The following ADK variants were observed in gnomAD, a reference collection of about 807,000 sequenced individuals.
ADK encodes the protein N6,N6-dimethyladenosine kinase.
A neutral mutation model predicts 44.7 loss-of-function variants in ADK; 24 were observed. That is an observed-to-expected ratio of 0.54 (90% CI 0.39 to 0.76). The LOEUF is 0.76. ADK is among the 30% of genes least tolerant of loss of function. The probability of loss-of-function intolerance (pLI) is 0.00; values close to 1 mark genes in which losing one functional copy is unlikely to be tolerated. For synonymous variants in ADK, 128 were observed against 142.6 expected (o/e 0.90, Z 0.73); for missense variants, 321 against 425.1 (o/e 0.76, Z 2.15).
intron 6 of ADK, among the ~76,000 whole-genome samples, chr10:74,408,452 G>A (rs1455829804): frequency 6.6e-6 from 1 of 152,080 alleles, no homozygotes; most frequent in Non-Finnish European, 1.5e-5. Context: ...TGGAGTGTCA[G>A]AAAATGATCA....
At chr10:74,575,647 A>G (rs919438915) in intron 7 of ADK, among the ~76,000 whole-genome samples, 2 of 152,184 alleles carry the variant, frequency 1.3e-5, no homozygotes, top group African/African-American at 2.4e-5. Flanking sequence ...TATATAAGGG[A>G]ATAGTAAAAG....
At chr10:74,415,897 G>A (rs934658462) in intron 6 of ADK, among the ~76,000 whole-genome samples, 2 of 151,896 alleles carry the variant, frequency 1.3e-5, no homozygotes, top group Non-Finnish European at 2.9e-5. Flanking sequence ...TGTAATGGAA[G>A]ACATAATAAG....
chr10:74,183,432 G>T (rs892127604), intron 1 of ADK, among the ~76,000 whole-genome samples: 3 of 152,138 alleles, frequency 2.0e-5, no homozygotes, highest in African/African-American at 4.8e-5. Context: ...AATTTGCAGG[G>T]TATGATGGTA....
intron 3 of ADK, among the ~76,000 whole-genome samples, chr10:74,225,560 G>A (rs1312937674): frequency 6.6e-6 from 1 of 152,046 alleles, no homozygotes; most frequent in Non-Finnish European, 1.5e-5. Flanking sequence ...TTTAAAAACT[G>A]TCTTGAACCT....
intron 4 of ADK, among the ~76,000 whole-genome samples, chr10:74,380,766 A>C (rs193028112): frequency 2.8e-4 from 42 of 152,258 alleles, no homozygotes; most frequent in Middle Eastern, 6.8e-3. Flanking sequence ...TCAAAAAAAA[A>C]CACATTTTTT....
intron 2 of ADK, among the ~76,000 whole-genome samples, chr10:74,201,489 C>A (rs1207261078): frequency 6.6e-6 from 1 of 152,090 alleles, no homozygotes; most frequent in Admixed American, 6.6e-5. Flanking sequence ...GTCCACATAA[C>A]TTTTATTACA....
At chr10:74,335,851 T>G (rs992002237) in intron 4 of ADK, among the ~76,000 whole-genome samples, 2 of 152,102 alleles carry the variant, frequency 1.3e-5, no homozygotes, top group East Asian at 3.8e-4. Context: ...TCAAACTCTT[T>G]GCCTTTTTTT....
intron 3 of ADK, among the ~76,000 whole-genome samples, chr10:74,293,484 A>G (rs559433172): frequency 1.8e-4 from 27 of 151,964 alleles, no homozygotes; most frequent in Non-Finnish European, 3.4e-4. Context: ...CTAATGAACT[A>G]CTCTCTTAAC....
chr10:74,428,883 T>C (rs905790931), intron 6 of ADK, among the ~76,000 whole-genome samples: 1 of 152,238 alleles, frequency 6.6e-6, no homozygotes, highest in South Asian at 2.1e-4. Flanking sequence ...TGCCTCCTTA[T>C]GTGTTTATCT....
At chr10:74,578,156 A>G (rs1473969173) in intron 7 of ADK, among the ~76,000 whole-genome samples, 1 of 152,220 alleles carries the variant, frequency 6.6e-6, no homozygotes, top group African/African-American at 2.4e-5. Flanking sequence ...AGGAATTATT[A>G]GAAAAGCACT....
chr10:74,472,458 T>C (rs1422254378), intron 6 of ADK, among the ~76,000 whole-genome samples: 1 of 152,110 alleles, frequency 6.6e-6, no homozygotes, highest in African/African-American at 2.4e-5. Context: ...CTGTAAGTCA[T>C]TTTCCTCCCC....
At chr10:74,463,374 A>G (rs919883028) in intron 6 of ADK, among the ~76,000 whole-genome samples, 2 of 152,344 alleles carry the variant, frequency 1.3e-5, no homozygotes, top group Admixed American at 6.5e-5. Flanking sequence ...AGACAGTCCC[A>G]TCTGGGGGTG....
intron 1 of ADK, among the ~76,000 whole-genome samples, chr10:74,180,646 G>A (rs879504961): frequency 3.8e-4 from 58 of 152,006 alleles, no homozygotes; most frequent in Non-Finnish European, 6.6e-4. Flanking sequence ...TTTTAGTAGA[G>A]ACGGGGTTTC....
chr10:74,371,229 G>A (rs1380628053), intron 4 of ADK, among the ~76,000 whole-genome samples: 1 of 152,158 alleles, frequency 6.6e-6, no homozygotes, highest in Non-Finnish European at 1.5e-5. Context: ...ATGGGTACAA[G>A]GTTTCTTCTT....
chr10:74,259,526 G>A (rs1210043212), intron 3 of ADK, among the ~76,000 whole-genome samples: 9 of 144,022 alleles, frequency 6.2e-5, no homozygotes, highest in Admixed American at 2.1e-4. Flanking sequence ...GCGCGATCTC[G>A]GCTCACCGCA....
At chr10:74,562,776 A>C (rs1850507445) in intron 7 of ADK, among the ~76,000 whole-genome samples, 1 of 152,226 alleles carries the variant, frequency 6.6e-6, no homozygotes, top group Non-Finnish European at 1.5e-5. Context: ...GCTTTGGCAA[A>C]AAATAAAACC....
intron 6 of ADK, among the ~76,000 whole-genome samples, chr10:74,500,190 A>G (rs1222896406): frequency 6.6e-6 from 1 of 152,166 alleles, no homozygotes; most frequent in Non-Finnish European, 1.5e-5. Flanking sequence ...TATCCAGATC[A>G]TATTAGAACT....
At chr10:74,204,149 G>C (rs1017277074) in intron 2 of ADK, among the ~76,000 whole-genome samples, 2 of 151,886 alleles carry the variant, frequency 1.3e-5, no homozygotes, top group East Asian at 1.9e-4. Context: ...TAGAGACAGG[G>C]TTTCACCATG....
At chr10:74,232,516 C>T (rs568753778) in intron 3 of ADK, among the ~76,000 whole-genome samples, 8 of 149,404 alleles carry the variant, frequency 5.4e-5, no homozygotes, top group South Asian at 2.1e-4. Context: ...AGTGAGAACC[C>T]GTCTCAAAAA....
Sources: allele counts gnomAD v4.1 joint callset (sites outside exome capture counted in the v4.1 genomes callset), GRCh38; gene constraint gnomAD v4.1.1; transcripts MANE v1.5; gene names NCBI Gene and HGNC (gene_info 2026-07-23, HGNC 2026-07-21).